The following CEP112 variants were observed in gnomAD, a reference collection of about 807,000 sequenced individuals.
The protein encoded by CEP112 is centrosomal protein of 112 kDa.
In CEP112, 127 loss-of-function variants were observed where a neutral mutation model predicts 153.0. That is an observed-to-expected ratio of 0.83 (90% CI 0.72 to 0.96). The LOEUF (loss-of-function observed/expected upper bound fraction) is 0.96, where lower values mean the gene tolerates loss of function less well. Ranked by LOEUF, CEP112 falls within the 40% of genes least tolerant of loss-of-function variation. CEP112 has a pLI of 0.00. For missense variants in CEP112, 1,089 were observed against 1,101.2 expected (o/e 0.99, Z 0.16); for synonymous variants, 358 against 374.4 (o/e 0.96, Z 0.51).
At chr17:66,085,744 C>T (rs1253573765) in intron 8 of CEP112, among the ~76,000 whole-genome samples, 1 of 151,798 alleles carries the variant, frequency 6.6e-6, no homozygotes, top group African/African-American at 2.4e-5. Flanking sequence ...TTTGGGAGGC[C>T]GAGGCAGGCG....
At chr17:65,966,699 T>C (rs981060180) in intron 17 of CEP112, among the ~76,000 whole-genome samples, 2 of 152,238 alleles carry the variant, frequency 1.3e-5, no homozygotes, top group African/African-American at 4.8e-5. Context: ...AAATAACAAC[T>C]TTCATAAGCA....
At chr17:65,660,215 C>CTTT (rs1246603610) in intron 24 of CEP112, among the ~76,000 whole-genome samples, 50 of 112,068 alleles carry the variant, frequency 4.5e-4, no homozygotes, top group African/African-American at 1.9e-3. Context: ...TTCTTTCCTT[C>CTTT]CCTCCCTCCC....
At chr17:65,893,938 C>A (rs9906014) in intron 20 of CEP112, among the ~76,000 whole-genome samples, 2,535 of 152,154 alleles carry the variant, frequency 0.017, 81 homozygotes, top group African/African-American at 0.058. Flanking sequence ...CCATTTTGCC[C>A]ATCATTTCTT....
chr17:66,084,510 C>T (rs1422030652), intron 8 of CEP112, among the ~76,000 whole-genome samples: 1 of 152,154 alleles, frequency 6.6e-6, no homozygotes, highest in Non-Finnish European at 1.5e-5. Context: ...TCATTTCCAA[C>T]AACATGGATG....
chr17:65,965,123 C>CT (rs2062362223), intron 17 of CEP112, among the ~76,000 whole-genome samples: 1 of 152,122 alleles, frequency 6.6e-6, no homozygotes, highest in South Asian at 2.1e-4. Flanking sequence ...TAGGATGAAT[C>CT]TTTTTCCCTA....
At chr17:66,058,093 A>C (rs1033500834) in intron 11 of CEP112, among the ~76,000 whole-genome samples, 1 of 135,840 alleles carries the variant, frequency 7.4e-6, no homozygotes, top group Non-Finnish European at 1.6e-5. Context: ...ACTCTAAAAA[A>C]AACAAAAAAA....
chr17:66,155,332 G>T (rs1466724309), intron 4 of CEP112, among the ~76,000 whole-genome samples: 5 of 152,094 alleles, frequency 3.3e-5, no homozygotes, highest in Admixed American at 2.6e-4. Flanking sequence ...ATGAGGGACT[G>T]TGCCGTGAGG....
intron 19 of CEP112, among the ~76,000 whole-genome samples, chr17:65,909,694 C>A (rs1470531548): frequency 6.6e-6 from 1 of 152,090 alleles, no homozygotes; most frequent in African/African-American, 2.4e-5. Flanking sequence ...AAATACAGAA[C>A]ATGAGAACAT....
At chr17:66,007,831 T>C (rs1307221745) in intron 16 of CEP112, among the ~76,000 whole-genome samples, 6 of 152,202 alleles carry the variant, frequency 3.9e-5, no homozygotes, top group African/African-American at 1.4e-4. Flanking sequence ...ACCTCTCCTT[T>C]TGCTTTAATC....
intron 21 of CEP112, among the ~76,000 whole-genome samples, chr17:65,846,038 T>C (rs2146261658): frequency 6.6e-6 from 1 of 152,336 alleles, no homozygotes; most frequent in East Asian, 1.9e-4. Context: ...TGAGATTATT[T>C]ATTATTCTGG....
intron 8 of CEP112, among the ~76,000 whole-genome samples, chr17:66,071,253 GAGAA>G (rs2067298525): frequency 6.6e-6 from 1 of 151,926 alleles, no homozygotes; most frequent in Non-Finnish European, 1.5e-5. Flanking sequence ...ATGAATGGTG[GAGAA>G]AGAGACAGTT....
intron 4 of CEP112, among the ~76,000 whole-genome samples, chr17:66,155,990 C>G (rs1211201122): frequency 6.6e-6 from 1 of 152,204 alleles, no homozygotes; most frequent in Non-Finnish European, 1.5e-5. Flanking sequence ...CCTGTTGGCT[C>G]TGAAGAGAGC....
chr17:65,732,551 T>C (rs1416192308), intron 23 of CEP112, among the ~76,000 whole-genome samples: 2 of 152,236 alleles, frequency 1.3e-5, no homozygotes, highest in South Asian at 4.1e-4. Flanking sequence ...AAGTCCTAGA[T>C]GGCATCTTCT....
At chr17:65,868,967 G>T (rs1445722521) in intron 20 of CEP112, among the ~76,000 whole-genome samples, 1 of 152,178 alleles carries the variant, frequency 6.6e-6, no homozygotes, top group East Asian at 1.9e-4. Context: ...TTGAACACGT[G>T]TTCTCATAAG....
chr17:65,823,451 A>G (rs1468807021), intron 21 of CEP112, among the ~76,000 whole-genome samples: 2 of 152,234 alleles, frequency 1.3e-5, no homozygotes, highest in Non-Finnish European at 2.9e-5. Context: ...CTTTTCAACA[A>G]ACAATACAGA....
chr17:65,913,217 G>A (rs1025160469), intron 19 of CEP112, among the ~76,000 whole-genome samples: 5 of 152,178 alleles, frequency 3.3e-5, no homozygotes, highest in African/African-American at 1.2e-4. Flanking sequence ...CGCTAATGGG[G>A]CAGTCTACCG....
chr17:66,076,179 A>G (rs1235599052), intron 8 of CEP112, among the ~76,000 whole-genome samples: 1 of 152,096 alleles, frequency 6.6e-6, no homozygotes, highest in African/African-American at 2.4e-5. Context: ...CTTTGTAACA[A>G]TTTGAACTGG....
At chr17:65,870,346 A>G (rs1353405457) in intron 20 of CEP112, among the ~76,000 whole-genome samples, 1 of 152,216 alleles carries the variant, frequency 6.6e-6, no homozygotes, top group Admixed American at 6.5e-5. Context: ...TAAAAACTCC[A>G]TAACAATCTG....
intron 5 of CEP112, among the ~76,000 whole-genome samples, chr17:66,130,674 G>A (rs976287952): frequency 1.3e-5 from 2 of 151,204 alleles, no homozygotes; most frequent in African/African-American, 4.9e-5. Flanking sequence ...TACTCGGGAC[G>A]CTGAGGCAGG....
Sources: gnomAD v4.1 joint callset for allele counts (sites outside exome capture counted in the v4.1 genomes callset) on GRCh38, gnomAD v4.1.1 for gene constraint, MANE v1.5 for transcripts, NCBI Gene and HGNC (gene_info 2026-07-23, HGNC 2026-07-21) for gene names.